Variants in RNLS observed in about 807,000 individuals in gnomAD.
The protein encoded by RNLS is renalase, FAD dependent amine oxidase, also known as renalase.
A neutral mutation model predicts 39.8 loss-of-function variants in RNLS; 39 were observed. That is an observed-to-expected ratio of 0.98 (90% CI 0.76 to 1.28). RNLS has a LOEUF of 1.28. RNLS is among the 50% of genes most tolerant of loss of function. The pLI, the probability that RNLS is intolerant of heterozygous loss-of-function variation, is 0.00. For synonymous variants in RNLS, 147 were observed against 150.7 expected (o/e 0.98, Z 0.18); for missense variants, 410 against 413.3 (o/e 0.99, Z 0.07).
chr10:88,350,172 T>C (rs1021391487), intron 5 of RNLS, among the ~76,000 whole-genome samples: 21 of 152,122 alleles, frequency 1.4e-4, no homozygotes, highest in African/African-American at 4.3e-4. Context: ...CCTGTCTGGA[T>C]TGCATTTTCT....
chr10:88,245,631 T>C, the RNLS span, among the ~76,000 whole-genome samples: 2 of 152,256 alleles, frequency 1.3e-5, no homozygotes, highest in South Asian at 4.2e-4. Context: ...TTTTCTTTTC[T>C]TTTTCTTTTC....
chr10:88,458,930 G>T, intron 4 of RNLS, among the ~76,000 whole-genome samples: 1 of 152,000 alleles, frequency 6.6e-6, no homozygotes, highest in Non-Finnish European at 1.5e-5. Flanking sequence ...TTTTCAAGTG[G>T]AAAAGGAAGA....
chr10:88,408,292 C>A (rs1853417678), intron 4 of RNLS, among the ~76,000 whole-genome samples: 1 of 152,042 alleles, frequency 6.6e-6, no homozygotes, highest in Non-Finnish European at 1.5e-5. Context: ...TGAAACTTCT[C>A]CCTTTCCACA....
rs77426813 is a variant in RNLS, at chr10:88,470,500, C to T, written c.526+102403G>A. Among the ~76,000 whole-genome samples, 931 of 152,156 alleles carry T rather than the reference C, an allele frequency of 6.1e-3. 13 individuals are homozygous for T. The highest frequency in any genetic ancestry group is 0.022 in the African/African-American group (907 of 41,486). ...TTGGGAGAAAAGAAGTTACCTGTTACCTGTTCTACAAATTAATAAATATTT... is the reference window on the plus strand; with the variant it reads ...TTGGGAGAAAAGAAGTTACCTGTTATCTGTTCTACAAATTAATAAATATTT... On this transcript the variant is annotated intron_variant, in intron 4 of 6. Transcript: ENST00000331772.
chr10:88,205,478 A>G, the RNLS span, among the ~76,000 whole-genome samples: 1 of 152,114 alleles, frequency 6.6e-6, no homozygotes, highest in African/African-American at 2.4e-5. Flanking sequence ...ATTATTCCTT[A>G]GTTCATATTT....
Position 88,284,782 on chromosome 10 carries a change from A to G in RNLS, c.*572T>C. 2 of 985,382 alleles carry G rather than the reference A, an allele frequency of 2.0e-6. No homozygotes were observed. Among genetic ancestry groups the G allele is most frequent in the South Asian group, 4.7e-5 (1 of 21,290 alleles). The allele number at this position is 985,382 out of a possible 1,614,324, so 61.0% of individuals were successfully genotyped here. ...AAATCTGAAGGAAGGTCTCTTTATC[A>G]GTCAAGTTGCCCTCCACACTAAGAT... On this transcript the variant is annotated 3_prime_UTR_variant, in exon 7 of 7. Transcript: ENST00000331772.
At chr10:88,432,906 AT>A (rs1262866861) in intron 4 of RNLS, among the ~76,000 whole-genome samples, 1 of 151,906 alleles carries the variant, frequency 6.6e-6, no homozygotes, top group East Asian at 1.9e-4. Context: ...CTGAAGTGAG[AT>A]TTTTTTCAAC....
chr10:88,582,076 C>T, intron 2 of RNLS, 126 bp downstream of exon 2: 1 of 716,894 alleles, frequency 1.4e-6, no homozygotes, highest in Non-Finnish European at 2.2e-6. Context: ...TCCATAACAC[C>T]AACATAGCAA....
intron 4 of RNLS, among the ~76,000 whole-genome samples, chr10:88,405,232 A>T (rs1279742851): frequency 2.0e-5 from 3 of 152,004 alleles, no homozygotes; most frequent in Non-Finnish European, 4.4e-5. Flanking sequence ...GTGCAGATAC[A>T]ATTCTGGCAG....
chr10:88,182,553 T>C, the RNLS span, among the ~76,000 whole-genome samples: 2 of 152,142 alleles, frequency 1.3e-5, no homozygotes, highest in African/African-American at 2.4e-5. Context: ...AAAATACCCA[T>C]TCCAGCATTC....
Position 88,461,601 on chromosome 10 carries a change from T to G in RNLS, c.527-98876A>C, listed in dbSNP as rs1001003287. ...CTATCTTGTGGAATAGTCACATTCT[T>G]ATGTGTCTTGCAACCACATCCAGCT... On this transcript the variant is annotated intron_variant, in intron 4 of 6. Coordinates refer to ENST00000331772, the MANE Select transcript of RNLS (RefSeq NM_001031709.3). Among the ~76,000 whole-genome samples the G allele has an allele frequency of 2.6e-5, 4 of 152,256 alleles. No homozygotes were observed. In the South Asian group the frequency reaches 8.3e-4, roughly 32 times the overall value.
chr10:88,546,629 A>C lies in RNLS; in HGVS notation c.526+26274T>G, dbSNP rs558897232. ...CACTGGAGAAACTTCCGATAATGAC[A>C]ATGGTAAAATCTAGTCCAGATTGTT... On this transcript the variant is annotated intron_variant, in intron 4 of 6. Coordinates refer to ENST00000331772, the MANE Select transcript of RNLS (RefSeq NM_001031709.3). 3.0e-4 allele frequency among the ~76,000 whole-genome samples: 46 copies of C among 152,294 alleles called. No individual in the cohort carries two copies. The South Asian group carries it at 9.3e-3, about 31-fold the overall frequency.
the RNLS span, among the ~76,000 whole-genome samples, chr10:88,194,954 C>T: frequency 6.6e-6 from 1 of 152,144 alleles, no homozygotes; most frequent in African/African-American, 2.4e-5. Flanking sequence ...TAAAGACTAA[C>T]ACAATCCATA....
chr10:88,424,992 GT>G (rs1319069947), intron 4 of RNLS, among the ~76,000 whole-genome samples: 1 of 152,042 alleles, frequency 6.6e-6, no homozygotes, highest in Non-Finnish European at 1.5e-5. Flanking sequence ...CATCCTGCTC[GT>G]TTTTCACACT....
chr10:88,384,501 C>T (rs991800989), intron 4 of RNLS, among the ~76,000 whole-genome samples: 3 of 152,176 alleles, frequency 2.0e-5, no homozygotes, highest in Non-Finnish European at 4.4e-5. Context: ...ATGCTTAATT[C>T]CCTTACCAGT....
chr10:88,490,330 A>G (rs1258928343), intron 4 of RNLS, among the ~76,000 whole-genome samples: 2 of 152,228 alleles, frequency 1.3e-5, no homozygotes, highest in Non-Finnish European at 2.9e-5. Flanking sequence ...AACTGTAGCT[A>G]AATTCTCTAT....
At chr10:88,308,728 T>C (rs1845127104) in intron 6 of RNLS, among the ~76,000 whole-genome samples, 1 of 152,164 alleles carries the variant, frequency 6.6e-6, no homozygotes, top group South Asian at 2.1e-4. Context: ...CTTAAAGACC[T>C]AAAATCACAA....
At chr10:88,245,760 T>C in the RNLS span, among the ~76,000 whole-genome samples, 7,481 of 152,274 alleles carry the variant, frequency 0.049, 263 homozygotes, top group East Asian at 0.14. Flanking sequence ...CTTTCTTCTA[T>C]CATATATGCC....
chr10:88,530,505 A>G (rs1847358013), intron 4 of RNLS, among the ~76,000 whole-genome samples: 1 of 152,044 alleles, frequency 6.6e-6, no homozygotes, highest in South Asian at 2.1e-4. Flanking sequence ...TTTTTGTGGT[A>G]CTCAAAATTT....
Sources: allele counts gnomAD v4.1 joint callset (sites outside exome capture counted in the v4.1 genomes callset), GRCh38; gene constraint gnomAD v4.1.1; transcripts MANE v1.5; gene names NCBI Gene and HGNC (gene_info 2026-07-23, HGNC 2026-07-21).